EHD3: variants seen among roughly 807,000 people sequenced by gnomAD.
The protein encoded by EHD3 is EH domain-containing protein 3.
In EHD3, 17 loss-of-function variants were observed where a neutral mutation model predicts 43.0. That is an observed-to-expected ratio of 0.40 (90% CI 0.27 to 0.59). EHD3 has a LOEUF of 0.59. Among genes scored for constraint, EHD3 ranks in the 20% least tolerant of loss-of-function variants. The probability of loss-of-function intolerance (pLI) is 0.49; values close to 1 mark genes in which losing one functional copy is unlikely to be tolerated. For synonymous variants in EHD3, 313 were observed against 289.5 expected, an observed-to-expected ratio of 1.08 and a Z score of -0.82; for missense variants, 594 against 705.6, an observed-to-expected ratio of 0.84 and a Z score of 1.79.
At chr2:31,246,167 G>A (rs1412859608) in intron 2 of EHD3, among the ~76,000 whole-genome samples, 14 of 152,052 alleles carry the variant, frequency 9.2e-5, no homozygotes, top group Non-Finnish European at 1.6e-4. Context: ...TGGTGGTAAG[G>A]TGCAGTGGGG....
At chr2:31,257,102 A>G (rs1402902432) in intron 3 of EHD3, among the ~76,000 whole-genome samples, 1 of 152,196 alleles carries the variant, frequency 6.6e-6, no homozygotes, top group African/African-American at 2.4e-5. Context: ...AGATTGGGGA[A>G]TAAGGAGCAG....
chr2:31,256,880 G>A (rs556615132), intron 3 of EHD3, among the ~76,000 whole-genome samples: 52 of 152,332 alleles, frequency 3.4e-4, no homozygotes, highest in African/African-American at 1.3e-3. Context: ...AGCATTGCAT[G>A]GCCTTGGGCC....
chr2:31,265,392 T>C (rs1442645014), intron 5 of EHD3, among the ~76,000 whole-genome samples: 1 of 152,230 alleles, frequency 6.6e-6, no homozygotes, highest in African/African-American at 2.4e-5. Flanking sequence ...CGTTGTGTTG[T>C]GTACAGTAGC....
At chr2:31,254,640 G>A (rs1354068040) in intron 3 of EHD3, among the ~76,000 whole-genome samples, 1 of 152,118 alleles carries the variant, frequency 6.6e-6, no homozygotes, top group Non-Finnish European at 1.5e-5. Flanking sequence ...TTTGGGGAGG[G>A]ATGGGGTTTT....
chr2:31,237,726 T>C (rs1402204530), intron 1 of EHD3, among the ~76,000 whole-genome samples: 1 of 152,246 alleles, frequency 6.6e-6, no homozygotes, highest in Non-Finnish European at 1.5e-5. Context: ...ACTTATAGCA[T>C]GAACATTTCC....
chr2:31,262,718 G>T (rs1248443711), intron 5 of EHD3, among the ~76,000 whole-genome samples: 1 of 152,188 alleles, frequency 6.6e-6, no homozygotes, highest in East Asian at 1.9e-4. Flanking sequence ...AGGAGTTCGA[G>T]ACCAGCCTGG....
chr2:31,244,294 TC>T lies in EHD3; in HGVS notation c.251del (p.Pro84GlnfsTer3). The T allele has an allele frequency of 1.2e-6, 2 of 1,613,926 alleles. No individual in the cohort carries two copies. The highest frequency in any genetic ancestry group is 1.7e-6 in the Non-Finnish European group (2 of 1,179,862). On this transcript the variant is annotated frameshift_variant, in exon 2 of 6. Transcript: ENST00000322054. LOFTEE classifies it high-confidence loss of function. ...TFIRYLLEQD[F>X]PGMRIGPEPT... Reference sequence around the variant, plus strand: ...GCTAGGTACCTGCTGGAACAGGACTTCCCAGGCATGAGGATTGGGCCTGAGC... The same window carrying T: ...GCTAGGTACCTGCTGGAACAGGACTTCCAGGCATGAGGATTGGGCCTGAGC...
intron 4 of EHD3, 142 bp downstream of exon 4, chr2:31,261,064 G>T: frequency 1.0e-6 from 1 of 954,374 alleles, no homozygotes; most frequent in Non-Finnish European, 1.5e-6. Flanking sequence ...GGGAGCCATG[G>T]TTACAAGCTC....
chr2:31,252,765 CA>C (rs1683663449), intron 3 of EHD3, among the ~76,000 whole-genome samples: 2 of 152,338 alleles, frequency 1.3e-5, no homozygotes, highest in South Asian at 4.1e-4. Context: ...TAATGCCTCC[CA>C]TCCCACATTG....
chr2:31,254,953 C>T (rs73925207), intron 3 of EHD3, among the ~76,000 whole-genome samples: 2,600 of 152,332 alleles, frequency 0.017, 76 homozygotes, highest in African/African-American at 0.06. Context: ...CCTGTGAGGG[C>T]CCAGGCACTG....
At position 31,261,518 on chromosome 2, in the gene EHD3, G is replaced by A. The variant is rs376975044; in HGVS notation, c.916-31G>A. On this transcript the variant is annotated intron_variant, in intron 4 of 5. Coordinates refer to ENST00000322054, the MANE Select transcript of EHD3 (RefSeq NM_014600.3). The stretch of plus-strand genomic sequence containing the variant: ...GGAAGGGACCGTCCAGGGTCTTGAT[G>A]TGAAGGCTTCTCTCTGGCCCTGTTT... 1.2e-5 allele frequency: 20 copies of A among 1,613,072 alleles called. No homozygotes were observed. In the Admixed American group the frequency reaches 2.0e-4, roughly 16 times the overall value.
intron 1 of EHD3, among the ~76,000 whole-genome samples, chr2:31,235,676 G>A (rs866086600): frequency 3.3e-5 from 5 of 152,178 alleles, no homozygotes; most frequent in Admixed American, 6.5e-5. Flanking sequence ...TTGGCTAAAC[G>A]CCTGTAACTC....
chr2:31,261,022 C>G lies in EHD3; in HGVS notation c.915+100C>G, dbSNP rs1012294393. 3.6e-6 allele frequency: 5 copies of G among 1,380,030 alleles called. No homozygotes were observed. In the South Asian group the frequency reaches 7.0e-5, roughly 19 times the overall value. 85.5% of individuals were successfully genotyped at this position (1,380,030 alleles called of 1,614,324 possible). ...TTGCTGCCTCCAACAGCCAGTGCAT[C>G]ATGTGTGTGACACCAAGGGGCAGGA... On this transcript the variant is annotated intron_variant, in intron 4 of 5. Transcript: ENST00000322054.
chr2:31,245,500 C>G (rs911152964), intron 2 of EHD3, among the ~76,000 whole-genome samples: 1 of 146,174 alleles, frequency 6.8e-6, no homozygotes, highest in African/African-American at 2.6e-5. Context: ...GCTCATTGCC[C>G]AAAGGATTCT....
chr2:31,243,692 G>T (rs931963388), intron 1 of EHD3, among the ~76,000 whole-genome samples: 5 of 151,940 alleles, frequency 3.3e-5, no homozygotes, highest in Non-Finnish European at 7.4e-5. Flanking sequence ...CTGACCTTGT[G>T]ATCTGCCCAC....
chr2:31,251,237 G>A (rs1006507701), intron 3 of EHD3, among the ~76,000 whole-genome samples: 1 of 152,232 alleles, frequency 6.6e-6, no homozygotes, highest in Non-Finnish European at 1.5e-5. Flanking sequence ...GATGAGGGCA[G>A]GTGTGTGGTG....
In EHD3 at chr2:31,269,394, A is replaced by C. The variant is rs2180542; in HGVS notation, c.*2690A>C. 2.6e-5 allele frequency: 4 copies of C among 152,244 alleles called. No homozygotes were observed. The highest frequency in any genetic ancestry group is 2.9e-5 in the Non-Finnish European group (2 of 68,038). 9.4% of individuals were successfully genotyped at this position (152,244 alleles called of 1,614,324 possible). A position where few individuals can be genotyped will look rare whatever the true frequency, so the allele number is the denominator to read the frequency against. Reference sequence around the variant, plus strand: ...GCGGGTTAGTTGCTCAATGTATGCAAAGTCCCACGGACAAGAGTAAAGTCT... The same window carrying C: ...GCGGGTTAGTTGCTCAATGTATGCACAGTCCCACGGACAAGAGTAAAGTCT... On this transcript the variant is annotated 3_prime_UTR_variant, in exon 6 of 6. Transcript: ENST00000322054.
chr2:31,238,214 G>A (rs1426790766), intron 1 of EHD3, among the ~76,000 whole-genome samples: 2 of 152,160 alleles, frequency 1.3e-5, no homozygotes, highest in Admixed American at 6.5e-5. Flanking sequence ...CCATGCCTAG[G>A]TCTCAGAAGG....
chr2:31,247,510 A>G (rs1683550280), intron 2 of EHD3, among the ~76,000 whole-genome samples: 1 of 152,242 alleles, frequency 6.6e-6, no homozygotes, highest in South Asian at 2.1e-4. Flanking sequence ...CTGCATTTCC[A>G]GAGTGACTTG....
Sources: allele counts gnomAD v4.1 joint callset (sites outside exome capture counted in the v4.1 genomes callset), GRCh38; gene constraint gnomAD v4.1.1; transcripts MANE v1.5; gene names NCBI Gene and HGNC (gene_info 2026-07-23, HGNC 2026-07-21).